The following TGFBR3 variants were observed in gnomAD, a reference collection of about 807,000 sequenced individuals.
The protein encoded by TGFBR3 is transforming growth factor beta receptor 3, also known as transforming growth factor beta receptor type 3.
In TGFBR3, 46 loss-of-function variants were observed where a neutral mutation model predicts 87.9. The ratio of observed to expected loss-of-function variants is 0.52; its 90% CI spans 0.41 to 0.67. The LOEUF is 0.67. TGFBR3 is among the 30% of genes least tolerant of loss of function. The probability of loss-of-function intolerance (pLI) is 0.00; values close to 1 mark genes in which losing one functional copy is unlikely to be tolerated. For synonymous variants in TGFBR3, 381 were observed against 391.6 expected (o/e 0.97, Z 0.32); for missense variants, 866 against 1,041.9 (o/e 0.83, Z 2.32).
intron 1 of TGFBR3, among the ~76,000 whole-genome samples, chr1:91,871,711 G>C (rs1678587561): frequency 6.6e-6 from 1 of 152,272 alleles, no homozygotes; most frequent in Admixed American, 6.5e-5. Context: ...TGAGTGCAAA[G>C]GTCCTGAGGT....
intron 2 of TGFBR3, among the ~76,000 whole-genome samples, chr1:91,896,224 CTA>C (rs1233957224): frequency 1.3e-5 from 2 of 152,186 alleles, no homozygotes; most frequent in African/African-American, 4.8e-5. Context: ...TTAATCAGCA[CTA>C]TATTCCTAGC....
At chr1:91,852,911 T>G (rs897766769) in intron 2 of TGFBR3, among the ~76,000 whole-genome samples, 2 of 151,932 alleles carry the variant, frequency 1.3e-5, no homozygotes, top group Non-Finnish European at 2.9e-5. Context: ...TCCTAGCACT[T>G]TGGGAGGCCG....
At chr1:91,859,999 G>T (rs1159150812) in intron 2 of TGFBR3, among the ~76,000 whole-genome samples, 1 of 151,638 alleles carries the variant, frequency 6.6e-6, no homozygotes, top group Non-Finnish European at 1.5e-5. Context: ...CTCTCGCTTA[G>T]TCTACGTCTG....
chr1:91,762,120 A>G (rs533140876), intron 3 of TGFBR3, among the ~76,000 whole-genome samples: 2 of 152,334 alleles, frequency 1.3e-5, no homozygotes, highest in African/African-American at 4.8e-5. Flanking sequence ...GAAGGCTGGT[A>G]GAACCAAAGG....
At chr1:91,846,669 CG>C (rs1677514268) in intron 2 of TGFBR3, among the ~76,000 whole-genome samples, 1 of 151,776 alleles carries the variant, frequency 6.6e-6, no homozygotes, top group African/African-American at 2.4e-5. Context: ...CTGTCACCCC[CG>C]AAAAGGGTTA....
At chr1:91,795,588 G>A (rs1675351199) in intron 3 of TGFBR3, among the ~76,000 whole-genome samples, 1 of 152,208 alleles carries the variant, frequency 6.6e-6, no homozygotes, top group African/African-American at 2.4e-5. Context: ...ATTTTCTGCT[G>A]TTGCTGCTTC....
intron 2 of TGFBR3, among the ~76,000 whole-genome samples, chr1:91,811,570 C>T (rs1237888542): frequency 6.6e-6 from 1 of 151,906 alleles, no homozygotes; most frequent in Non-Finnish European, 1.5e-5. Context: ...TTTGCTGTGT[C>T]GGGTCAATAA....
chr1:91,701,142 T>C (rs1416782763), intron 14 of TGFBR3, among the ~76,000 whole-genome samples: 1 of 152,114 alleles, frequency 6.6e-6, no homozygotes, highest in African/African-American at 2.4e-5. Flanking sequence ...TCTTAATGGA[T>C]TTCTGTTATG....
intron 1 of TGFBR3, among the ~76,000 whole-genome samples, chr1:91,870,322 T>C (rs1678537586): frequency 1.3e-5 from 2 of 152,222 alleles, no homozygotes; most frequent in Non-Finnish European, 2.9e-5. Context: ...TATAATTTGT[T>C]CCATGTTATC....
chr1:91,719,286 A>G, intron 10 of TGFBR3, 26 bp downstream of exon 10: 1 of 1,614,162 alleles, frequency 6.2e-7, no homozygotes, highest in Middle Eastern at 1.6e-4. Flanking sequence ...GGCAAAGGGC[A>G]AAGCTTTGTT....
At chr1:91,730,319 C>T (rs1009113101) in intron 5 of TGFBR3, among the ~76,000 whole-genome samples, 3 of 152,182 alleles carry the variant, frequency 2.0e-5, no homozygotes, top group African/African-American at 7.2e-5. Flanking sequence ...AGACCCCAAC[C>T]CAGAGAATCT....
At chr1:91,714,433 T>C (rs936769087) in intron 12 of TGFBR3, among the ~76,000 whole-genome samples, 3 of 152,006 alleles carry the variant, frequency 2.0e-5, no homozygotes, top group African/African-American at 4.8e-5. Context: ...AATGAACAGG[T>C]GGCAACACTG....
At position 91,712,289 on chromosome 1, in the gene TGFBR3, A is replaced by G; in HGVS notation, c.2120T>C (p.Leu707Pro). The change falls in exon 13 of 17, where the codon CTG becomes CCG. Residue 707 changes from leucine (L) to proline (P), a missense_variant. Physicochemically the swap from Leu to Pro is moderately conservative, Grantham distance 98. Coordinates refer to ENST00000212355, the MANE Select transcript of TGFBR3 (RefSeq NM_003243.5). ...NTSLLFLQCE[L>P]TLCTKMEKHP... Reference sequence around the variant, plus strand: ...CTTCTCCATCTTCGTACACAGCGTCAGCTCACACTGTAGAAAGAGCAGTGA... The same window carrying G: ...CTTCTCCATCTTCGTACACAGCGTCGGCTCACACTGTAGAAAGAGCAGTGA... 1 of 1,614,240 alleles carries G rather than the reference A, an allele frequency of 6.2e-7. No homozygotes were observed. The highest frequency in any genetic ancestry group is 8.5e-7 in the Non-Finnish European group (1 of 1,180,040).
Position 91,776,638 on chromosome 1 carries a change from T to C in TGFBR3, c.247-17888A>G, listed in dbSNP as rs76197959. The stretch of plus-strand genomic sequence containing the variant: ...GAAAGAAGCCTACCAGCGTTTGACT[T>C]TGGCTCTGATCAGTGTAGTGCCATT... On this transcript the variant is annotated intron_variant, in intron 3 of 16. Coordinates refer to ENST00000212355, the MANE Select transcript of TGFBR3 (RefSeq NM_003243.5). Among the ~76,000 whole-genome samples, 558 of 152,278 alleles carry C rather than the reference T, an allele frequency of 3.7e-3. 1 individual carries two copies. The highest frequency in any genetic ancestry group is 0.013 in the African/African-American group (532 of 41,552).
chr1:91,791,010 A>G (rs1241589553), intron 3 of TGFBR3, among the ~76,000 whole-genome samples: 1 of 152,192 alleles, frequency 6.6e-6, no homozygotes, highest in Non-Finnish European at 1.5e-5. Context: ...TTACATATAG[A>G]TAGGTAGGTA....
At chr1:91,889,599 G>A (rs12032588), upstream of TGFBR3, among the ~76,000 whole-genome samples, 8 of 152,136 alleles carry the variant, frequency 5.3e-5, no homozygotes, top group Non-Finnish European at 1.2e-4. Context: ...AAGCATAGAC[G>A]AAAGGTTTAA....
At position 91,682,106 on chromosome 1, in the gene TGFBR3, A is replaced by G. The variant is rs1465807392; in HGVS notation, c.*1633T>C. 4.4e-6 allele frequency: 2 copies of G among 454,000 alleles called. No homozygotes were observed. Among genetic ancestry groups the G allele is most frequent in the Non-Finnish European group, 8.8e-6 (2 of 226,762 alleles). 28.1% of individuals were successfully genotyped at this position (454,000 alleles called of 1,614,324 possible). A position where few individuals can be genotyped will look rare whatever the true frequency, so the allele number is the denominator to read the frequency against. ...TATCAGGTAAGTCATATTATTACTC[A>G]ACGATTTGGTAAAAATGATTGTCAA... is the stretch of plus-strand genomic sequence containing the variant. On this transcript the variant is annotated 3_prime_UTR_variant, in exon 17 of 17. Transcript: ENST00000212355.
intron 2 of TGFBR3, among the ~76,000 whole-genome samples, chr1:91,896,920 C>CTTT: frequency 7.0e-6 from 1 of 142,858 alleles, no homozygotes. Flanking sequence ...TTTTTCTTTT[C>CTTT]TTTTTTTTTT....
chr1:91,749,511 A>AG (rs1673462452), intron 4 of TGFBR3, among the ~76,000 whole-genome samples: 1 of 152,234 alleles, frequency 6.6e-6, no homozygotes. Flanking sequence ...AGAAGGCTAA[A>AG]GGGACTCCTT....
Sources: allele counts gnomAD v4.1 joint callset (sites outside exome capture counted in the v4.1 genomes callset), GRCh38; gene constraint gnomAD v4.1.1; transcripts MANE v1.5; gene names NCBI Gene and HGNC (gene_info 2026-07-23, HGNC 2026-07-21).